The following FAM3D variants were observed in gnomAD, a reference collection of about 807,000 sequenced individuals.
FAM3D encodes protein FAM3D.
Under a neutral mutation model 29.8 loss-of-function variants are expected in FAM3D, and 26 were observed. That is an observed-to-expected ratio of 0.87 (90% CI 0.64 to 1.21). The LOEUF (loss-of-function observed/expected upper bound fraction) is 1.21, where lower values mean the gene tolerates loss of function less well. Ranked by LOEUF, FAM3D falls within the 50% of genes most tolerant of loss-of-function variation. The pLI is 0.00. For synonymous variants in FAM3D, 115 were observed against 102.3 expected, an observed-to-expected ratio of 1.12 and a Z score of -0.75; for missense variants, 253 against 290.9, an observed-to-expected ratio of 0.87 and a Z score of 0.95.
Position 58,636,440 on chromosome 3 carries a change from A to G in FAM3D, c.459-20T>C. ...TTCATTCTGCAGAGGACCAGAGAGG[A>G]TGGTCAGGATGCGGGGGTGGGTCGC... On this transcript the variant is annotated intron_variant, in intron 8 of 9. Coordinates refer to ENST00000358781, the MANE Select transcript of FAM3D (RefSeq NM_138805.3). 6.2e-7 allele frequency: 1 copy of G among 1,613,332 alleles called. No homozygotes were observed.
Position 58,637,337 on chromosome 3 carries a change from G to C in FAM3D, c.374-112C>G, listed in dbSNP as rs2066203821. 15 of 973,432 alleles carry C rather than the reference G, an allele frequency of 1.5e-5. No individual in the cohort carries two copies. The South Asian group carries it at 2.2e-4, about 14-fold the overall frequency. The allele number at this position is 973,432 out of a possible 1,614,324, so 60.3% of individuals were successfully genotyped here. On this transcript the variant is annotated intron_variant, in intron 7 of 9. Coordinates refer to ENST00000358781, the MANE Select transcript of FAM3D (RefSeq NM_138805.3). Reference sequence around the variant, plus strand: ...AGTCAGCTAGGCCCGGTGGACACTGGGCTGAGCTCAGAAGCCAGGAGGAAG... The same window carrying C: ...AGTCAGCTAGGCCCGGTGGACACTGCGCTGAGCTCAGAAGCCAGGAGGAAG...
chr3:58,639,134 T>TC (rs550904105), intron 7 of FAM3D, among the ~76,000 whole-genome samples: 158 of 152,332 alleles, frequency 1.0e-3, no homozygotes, highest in African/African-American at 3.7e-3. Context: ...ACGCTTTTTT[T>TC]CCTTTTCATT....
At chr3:58,650,843 A>G (rs568905364) in intron 3 of FAM3D, among the ~76,000 whole-genome samples, 60 of 152,156 alleles carry the variant, frequency 3.9e-4, no homozygotes, top group African/African-American at 1.3e-3. Context: ...TCAACCTCCC[A>G]AGTAGCTGGG....
In FAM3D at chr3:58,635,613, C is replaced by T. The variant is rs1042992571; in HGVS notation, c.585+681G>A. On this transcript the variant is annotated intron_variant, in intron 9 of 9. Coordinates refer to ENST00000358781, the MANE Select transcript of FAM3D (RefSeq NM_138805.3). This position sits in a 1 kb window ranked among gnomAD's most constrained non-coding sequence, Gnocchi z 5.2. ...CTAGGGCCCTGCTGCAGCACCCCCA[C>T]AGGACATTCGGGAACCACACCCGGC... 6.6e-6 allele frequency among the ~76,000 whole-genome samples: 1 copy of T among 152,250 alleles called. No homozygotes were observed. The highest frequency in any genetic ancestry group is 2.4e-5 in the African/African-American group (1 of 41,468).
rs768323540 is a variant in FAM3D, at chr3:58,637,106, A to G, written c.458+35T>C. Reference sequence around the variant, plus strand: ...GGTTTGAAGGTATTCAGTTTGCATCACTGTGTGGCCTGGCAGGTAGAGTTT... The same window carrying G: ...GGTTTGAAGGTATTCAGTTTGCATCGCTGTGTGGCCTGGCAGGTAGAGTTT... On this transcript the variant is annotated intron_variant, in intron 8 of 9. Transcript: ENST00000358781. The G allele has an allele frequency of 3.2e-6, 5 of 1,583,710 alleles. No homozygotes were observed. The South Asian group carries it at 5.6e-5, about 18-fold the overall frequency.
At chr3:58,646,107 G>GGGGT (rs1349108930) in intron 4 of FAM3D, among the ~76,000 whole-genome samples, 2 of 152,200 alleles carry the variant, frequency 1.3e-5, no homozygotes, top group African/African-American at 4.8e-5. Context: ...TCTGCAAAAT[G>GGGGT]GGGTATCTGT....
In FAM3D at chr3:58,635,262, A is replaced by G. The variant is rs1045299783; in HGVS notation, c.586-894T>C. Among the ~76,000 whole-genome samples the G allele has an allele frequency of 6.6e-6, 1 of 152,242 alleles. No individual in the cohort carries two copies. The highest frequency in any genetic ancestry group is 1.9e-4 in the East Asian group (1 of 5,194). On this transcript the variant is annotated intron_variant, in intron 9 of 9. Transcript: ENST00000358781. This position sits in a 1 kb window ranked among gnomAD's most constrained non-coding sequence, Gnocchi z 5.2. ...AAAATGCTCAGGTTTGGATTATGAA[A>G]GAAAAAAACGTAAATGGCAAAATCT... is the stretch of plus-strand genomic sequence containing the variant.
intron 5 of FAM3D, among the ~76,000 whole-genome samples, chr3:58,644,163 A>C (rs943936074): frequency 6.6e-6 from 1 of 152,186 alleles, no homozygotes; most frequent in African/African-American, 2.4e-5. Flanking sequence ...CTCCACGAAC[A>C]GGCCAGGTGG....
chr3:58,645,769 A>C, intron 4 of FAM3D, 143 bp from the exon 5 acceptor site: 2 of 718,166 alleles, frequency 2.8e-6, no homozygotes, highest in Non-Finnish European at 4.9e-6. Flanking sequence ...CGCTGATTGC[A>C]AAGTCTGGGA....
At chr3:58,641,817 C>T (rs1462643387) in intron 6 of FAM3D, among the ~76,000 whole-genome samples, 2 of 152,212 alleles carry the variant, frequency 1.3e-5, no homozygotes, top group Non-Finnish European at 2.9e-5. Flanking sequence ...TTATTTTCAT[C>T]CTTTTGGCTT....
intron 4 of FAM3D, 98 bp downstream of exon 4, chr3:58,649,217 T>A (rs1431985050): frequency 1.4e-6 from 2 of 1,428,820 alleles, no homozygotes; most frequent in African/African-American, 2.8e-5. Flanking sequence ...CCTGCAGGGC[T>A]CAGAGCAGGG....
intron 6 of FAM3D, among the ~76,000 whole-genome samples, chr3:58,641,228 T>C (rs937007891): frequency 9.2e-5 from 14 of 152,162 alleles, no homozygotes; most frequent in African/African-American, 3.1e-4. Context: ...ATGTATACAG[T>C]AGGTGCTGTA....
At chr3:58,652,140 A>C (rs1436747063) in intron 3 of FAM3D, among the ~76,000 whole-genome samples, 1 of 152,198 alleles carries the variant, frequency 6.6e-6, no homozygotes, top group Non-Finnish European at 1.5e-5. Context: ...AAGGATATGA[A>C]TCTGGGAGAC....
chr3:58,647,812 G>A (rs865778210), intron 4 of FAM3D, among the ~76,000 whole-genome samples: 102 of 152,300 alleles, frequency 6.7e-4, no homozygotes, highest in African/African-American at 2.4e-3. Context: ...GCATGGAACT[G>A]GTGTGCTACC....
intron 2 of FAM3D, 130 bp downstream of exon 2, chr3:58,655,421 C>T (rs2066765376): frequency 6.6e-6 from 8 of 1,215,564 alleles, no homozygotes; most frequent in Non-Finnish European, 9.2e-6. Context: ...TTCCAGCCTC[C>T]CCTGGATTGC....
intron 4 of FAM3D, among the ~76,000 whole-genome samples, chr3:58,646,940 C>A (rs140693300): frequency 5.9e-4 from 90 of 152,292 alleles, no homozygotes; most frequent in Non-Finnish European, 1.2e-3. Context: ...CCTCCCTGGT[C>A]TATAGGGAGC....
At chr3:58,653,459 T>C (rs2066703920) in intron 3 of FAM3D, among the ~76,000 whole-genome samples, 2 of 152,216 alleles carry the variant, frequency 1.3e-5, no homozygotes, top group Non-Finnish European at 2.9e-5. Context: ...TGTGGGCACA[T>C]GTGTTGCCCA....
intron 1 of FAM3D, among the ~76,000 whole-genome samples, chr3:58,664,692 T>C (rs1206395090): frequency 6.6e-6 from 1 of 152,254 alleles, no homozygotes; most frequent in Non-Finnish European, 1.5e-5. Flanking sequence ...GGGATTCAAA[T>C]GCCAAAGGCA....
chr3:58,663,962 G>A (rs1440744936), intron 1 of FAM3D, among the ~76,000 whole-genome samples: 6 of 152,204 alleles, frequency 3.9e-5, no homozygotes, highest in Non-Finnish European at 8.8e-5. Context: ...TCCTTTGTGA[G>A]GTCCCCCTTC....
Sources: allele counts gnomAD v4.1 joint callset (sites outside exome capture counted in the v4.1 genomes callset), GRCh38; gene constraint gnomAD v4.1.1; non-coding constraint Gnocchi (gnomAD v3.1); transcripts MANE v1.5; gene names NCBI Gene and HGNC (gene_info 2026-07-23, HGNC 2026-07-21).